Variants in ADD3 observed in about 807,000 individuals in gnomAD.
ADD3 encodes the protein adducin 3.
A neutral mutation model predicts 80.2 loss-of-function variants in ADD3; 25 were observed. That is an observed-to-expected ratio of 0.31 (90% CI 0.23 to 0.44). The LOEUF (loss-of-function observed/expected upper bound fraction) is 0.44, where lower values mean the gene tolerates loss of function less well. ADD3 is among the 20% of genes least tolerant of loss of function. The pLI, the probability that ADD3 is intolerant of heterozygous loss-of-function variation, is 1.00. For missense variants in ADD3, 829 were observed against 847.5 expected (o/e 0.98, Z 0.27); for synonymous variants, 284 against 289.6 (o/e 0.98, Z 0.20).
chr10:110,131,412 G>A (rs184627901), intron 13 of ADD3, among the ~76,000 whole-genome samples: 87 of 152,312 alleles, frequency 5.7e-4, no homozygotes, highest in African/African-American at 2.0e-3. Context: ...CATTTAGGGA[G>A]GGAAGGGTTC....
chr10:110,097,017 G>A (rs1848247994), intron 1 of ADD3, among the ~76,000 whole-genome samples: 1 of 152,076 alleles, frequency 6.6e-6, no homozygotes, highest in African/African-American at 2.4e-5. Context: ...GAACATAGGG[G>A]TATTTTTCTC....
chr10:110,088,251 C>G (rs1021031258), intron 1 of ADD3, among the ~76,000 whole-genome samples: 1 of 152,088 alleles, frequency 6.6e-6, no homozygotes, highest in Non-Finnish European at 1.5e-5. Context: ...CACTATAGTA[C>G]AGTAGTATGG....
At chr10:110,080,694 A>T (rs1845963359) in intron 1 of ADD3, among the ~76,000 whole-genome samples, 1 of 152,232 alleles carries the variant, frequency 6.6e-6, no homozygotes. Flanking sequence ...GACCATTCAG[A>T]AGTAATCCTA....
chr10:110,054,056 A>C (rs976082190), intron 1 of ADD3, among the ~76,000 whole-genome samples: 2 of 152,186 alleles, frequency 1.3e-5, no homozygotes, highest in African/African-American at 4.8e-5. Flanking sequence ...TAAAATGTCC[A>C]CTATAAATGT....
chr10:110,005,954 T>C (rs2132875742), upstream of ADD3: 1 of 201,410 alleles, frequency 5.0e-6, no homozygotes, highest in Non-Finnish European at 1.0e-5. Flanking sequence ...GTCAAACACT[T>C]ACTACTCAGC....
At chr10:110,081,153 G>C (rs905300942) in intron 1 of ADD3, among the ~76,000 whole-genome samples, 4 of 152,108 alleles carry the variant, frequency 2.6e-5, no homozygotes, top group African/African-American at 4.8e-5. Flanking sequence ...TTTGCAGAAG[G>C]CTTAATATAC....
At chr10:110,087,791 A>C (rs1846981657) in intron 1 of ADD3, among the ~76,000 whole-genome samples, 2 of 152,210 alleles carry the variant, frequency 1.3e-5, no homozygotes, top group South Asian at 4.1e-4. Flanking sequence ...GGAACAGTAT[A>C]TGTGTTAGTT....
Position 110,049,264 on chromosome 10 carries a change from C to T in ADD3, c.-30+40965C>T, listed in dbSNP as rs60881391. Among the ~76,000 whole-genome samples the T allele has an allele frequency of 2.1e-3, 315 of 152,296 alleles. 2 individuals are homozygous for T. Among genetic ancestry groups the T allele is most frequent in the African/African-American group, 6.7e-3 (278 of 41,558 alleles). ...CAGAAGTTTGCTGCAGGGCTGGGGC[C>T]GTCATGGAGAACCTCTGCTAGAGCA... is the stretch of plus-strand genomic sequence containing the variant. On this transcript the variant is annotated intron_variant, in intron 1 of 14. Transcript: ENST00000356080.
intron 13 of ADD3, 131 bp from the exon 14 acceptor site, chr10:110,132,174 T>A: frequency 1.6e-6 from 1 of 614,408 alleles, no homozygotes; most frequent in South Asian, 2.0e-5. Flanking sequence ...ACTGTTAGCA[T>A]GCTCAGCTCA....
intron 1 of ADD3, among the ~76,000 whole-genome samples, chr10:110,093,853 T>C (rs1469735286): frequency 6.6e-6 from 1 of 152,176 alleles, no homozygotes; most frequent in Non-Finnish European, 1.5e-5. Context: ...ATGAAAAATA[T>C]ATAGTTATGT....
rs533388638 is a variant in ADD3, at chr10:110,049,589, T to C, written c.-30+41290T>C. On this transcript the variant is annotated intron_variant, in intron 1 of 14. Coordinates refer to ENST00000356080, the MANE Select transcript of ADD3 (RefSeq NM_016824.5). ...GTCAAAGGAGATCATTTTGGAACTT[T>C]AAGATTTGACTGCTCTGGCCAGGCG... Among the ~76,000 whole-genome samples, 19 of 152,266 alleles carry C rather than the reference T, an allele frequency of 1.2e-4. No homozygotes were observed. The South Asian group carries it at 2.3e-3, about 18-fold the overall frequency.
chr10:110,119,189 T>A, intron 6 of ADD3, 22 bp from the exon 7 acceptor site: 1 of 1,612,196 alleles, frequency 6.2e-7, no homozygotes. Context: ...TGTGTTATCT[T>A]GGTATGGGCC....
chr10:110,038,302 C>T (rs1855903435), intron 1 of ADD3, among the ~76,000 whole-genome samples: 1 of 152,008 alleles, frequency 6.6e-6, no homozygotes, highest in Non-Finnish European at 1.5e-5. Context: ...ATCTGGTGGC[C>T]CCCATCCCCC....
At chr10:110,128,621 G>A (rs556952236) in intron 12 of ADD3, among the ~76,000 whole-genome samples, 2 of 152,146 alleles carry the variant, frequency 1.3e-5, no homozygotes, top group East Asian at 1.9e-4. Flanking sequence ...GTTTCACCGC[G>A]TTAGCCAGGA....
intron 1 of ADD3, among the ~76,000 whole-genome samples, chr10:110,012,355 A>C (rs1370691548): frequency 6.6e-6 from 1 of 152,272 alleles, no homozygotes; most frequent in Non-Finnish European, 1.5e-5. Flanking sequence ...TTAAATGTTA[A>C]GAAAGTACTG....
At chr10:110,002,328 C>T (rs888492146), upstream of ADD3, among the ~76,000 whole-genome samples, 13 of 152,164 alleles carry the variant, frequency 8.5e-5, no homozygotes, top group African/African-American at 2.9e-4. Context: ...GGCTGGAGTG[C>T]AGTGGCACAA....
chr10:110,013,090 G>T (rs1306050390), intron 1 of ADD3, among the ~76,000 whole-genome samples: 2 of 151,828 alleles, frequency 1.3e-5, no homozygotes, highest in East Asian at 1.9e-4. Flanking sequence ...CGGTTTTTTT[G>T]GATTTTTAGG....
chr10:110,001,516 CTCTT>C (rs1851484856), upstream of ADD3, among the ~76,000 whole-genome samples: 1 of 152,010 alleles, frequency 6.6e-6, no homozygotes, highest in Non-Finnish European at 1.5e-5. Context: ...TTATCTGAAT[CTCTT>C]TCACATAATG....
intron 1 of ADD3, among the ~76,000 whole-genome samples, chr10:110,052,428 T>G (rs1478490350): frequency 6.6e-6 from 1 of 152,168 alleles, no homozygotes; most frequent in Non-Finnish European, 1.5e-5. Flanking sequence ...GTGGTAGCAT[T>G]AGATTCTCAT....
Sources: allele counts gnomAD v4.1 joint callset (sites outside exome capture counted in the v4.1 genomes callset), GRCh38; gene constraint gnomAD v4.1.1; transcripts MANE v1.5; gene names NCBI Gene and HGNC (gene_info 2026-07-23, HGNC 2026-07-21).